PPM1E: variants seen among roughly 807,000 people sequenced by gnomAD.
PPM1E encodes the protein protein phosphatase, Mg2+/Mn2+ dependent 1E, also known as protein phosphatase 1E.
PPM1E carries 20 observed loss-of-function variants against 65.9 expected under a neutral mutation model. The ratio of observed to expected loss-of-function variants is 0.30; its 90% CI spans 0.21 to 0.44. PPM1E has a LOEUF of 0.44. Ranked by LOEUF, PPM1E falls within the 20% of genes least tolerant of loss-of-function variation. The pLI is 1.00. For missense variants in PPM1E, 713 were observed against 953.1 expected, an observed-to-expected ratio of 0.75 and a Z score of 3.32; for synonymous variants, 352 against 374.9, an observed-to-expected ratio of 0.94 and a Z score of 0.70.
rs974299652 is a variant in PPM1E at position 58,755,908 on chromosome 17, T to C, written c.-90T>C. The C allele has an allele frequency of 6.4e-7, 1 of 1,561,678 alleles. No individual in the cohort carries two copies. Among genetic ancestry groups the C allele is most frequent in the Non-Finnish European group, 8.7e-7 (1 of 1,154,990 alleles). The stretch of plus-strand genomic sequence containing the variant: ...GTGCCGGTGCGGCCGTTAACCGCCC[T>C]TGCCGGAGCCCTAGGCTCAAAAGCA... On this transcript the variant is annotated 5_prime_UTR_variant, in exon 1 of 7. Transcript: ENST00000308249.
intron 1 of PPM1E, among the ~76,000 whole-genome samples, chr17:58,822,163 A>G (rs961974771): frequency 6.6e-6 from 1 of 152,130 alleles, no homozygotes; most frequent in Non-Finnish European, 1.5e-5. Context: ...AAAGGAGTTG[A>G]GCAAGTAACA....
intron 1 of PPM1E, among the ~76,000 whole-genome samples, chr17:58,875,258 C>G (rs1251773005): frequency 6.6e-6 from 1 of 152,100 alleles, no homozygotes; most frequent in African/African-American, 2.4e-5. Flanking sequence ...TAATTAGTGG[C>G]AGGCATCTAG....
At chr17:58,840,600 G>C (rs1038937524) in intron 1 of PPM1E, among the ~76,000 whole-genome samples, 2 of 152,002 alleles carry the variant, frequency 1.3e-5, no homozygotes, top group Non-Finnish European at 2.9e-5. Flanking sequence ...CCAGCCTGGG[G>C]CATCTTGTAG....
chr17:58,789,216 A>T (rs964999908), intron 1 of PPM1E, among the ~76,000 whole-genome samples: 1 of 152,234 alleles, frequency 6.6e-6, no homozygotes, highest in African/African-American at 2.4e-5. Context: ...TTCTAAGAAC[A>T]TAAGAAACAT....
intron 1 of PPM1E, among the ~76,000 whole-genome samples, chr17:58,818,089 G>A (rs917174309): frequency 1.3e-5 from 2 of 152,010 alleles, no homozygotes; most frequent in Admixed American, 1.3e-4. Context: ...AGTTCATTAT[G>A]GGTACCTTAC....
intron 1 of PPM1E, among the ~76,000 whole-genome samples, chr17:58,920,928 A>C (rs1315182512): frequency 6.6e-6 from 1 of 152,214 alleles, no homozygotes; most frequent in Non-Finnish European, 1.5e-5. Context: ...ACAAGATCAA[A>C]AGAAGCATCT....
intron 1 of PPM1E, among the ~76,000 whole-genome samples, chr17:58,939,854 G>C (rs1174145167): frequency 2.6e-5 from 4 of 152,086 alleles, no homozygotes; most frequent in Non-Finnish European, 5.9e-5. Flanking sequence ...GATAAAAATG[G>C]AAAGCACTTC....
At chr17:58,789,148 G>A (rs1361465341) in intron 1 of PPM1E, among the ~76,000 whole-genome samples, 1 of 149,404 alleles carries the variant, frequency 6.7e-6, no homozygotes, top group Non-Finnish European at 1.5e-5. Context: ...CTAGAAGTTT[G>A]TTTATACTGA....
rs1013954150 is a variant in PPM1E, at chr17:58,982,737, TTTC to T, written c.*1714_*1716del. 1.3e-5 allele frequency: 7 copies of T among 544,906 alleles called. No homozygotes were observed. Among genetic ancestry groups the T allele is most frequent in the Non-Finnish European group, 2.3e-5 (7 of 309,804 alleles). The allele number at this position is 544,906 out of a possible 1,614,324, so 33.8% of individuals were successfully genotyped here. ...TTGTTTTCTCTTGATTTTGAAGTCA[TTTC>T]TTCTTCTCACGTCTGTGACAAATGG... On this transcript the variant is annotated 3_prime_UTR_variant, in exon 7 of 7. Coordinates refer to ENST00000308249, the MANE Select transcript of PPM1E (RefSeq NM_014906.5).
At chr17:58,944,998 T>C (rs1281815378) in intron 1 of PPM1E, among the ~76,000 whole-genome samples, 1 of 152,214 alleles carries the variant, frequency 6.6e-6, no homozygotes, top group Non-Finnish European at 1.5e-5. Context: ...TTATTACTAA[T>C]TGTCTTTTTT....
chr17:58,878,053 G>A (rs2051147765), intron 1 of PPM1E, among the ~76,000 whole-genome samples: 1 of 151,990 alleles, frequency 6.6e-6, no homozygotes, highest in Non-Finnish European at 1.5e-5. Context: ...AAGCGTGAAA[G>A]AGGAAATAAC....
intron 1 of PPM1E, among the ~76,000 whole-genome samples, chr17:58,884,792 A>C (rs1188372115): frequency 6.6e-6 from 1 of 152,196 alleles, no homozygotes; most frequent in East Asian, 1.9e-4. Flanking sequence ...AGAATTAATT[A>C]ATTAGTTAAT....
intron 2 of PPM1E, among the ~76,000 whole-genome samples, chr17:58,958,530 C>T (rs952419850): frequency 4.7e-5 from 7 of 150,218 alleles, no homozygotes; most frequent in Admixed American, 4.0e-4. Context: ...AAATTAAAAA[C>T]AAGAAGGGAA....
intron 1 of PPM1E, among the ~76,000 whole-genome samples, chr17:58,796,760 T>C (rs1052061195): frequency 6.6e-6 from 1 of 152,210 alleles, no homozygotes; most frequent in Non-Finnish European, 1.5e-5. Flanking sequence ...CTTTATCACA[T>C]CTTCTATATG....
chr17:58,970,191 C>T (rs1413074615), intron 4 of PPM1E, among the ~76,000 whole-genome samples: 1 of 152,148 alleles, frequency 6.6e-6, no homozygotes, highest in East Asian at 1.9e-4. Context: ...AGGGAAAATT[C>T]GCTTGGAGAG....
chr17:58,876,930 C>T (rs936169786), intron 1 of PPM1E, among the ~76,000 whole-genome samples: 5 of 151,778 alleles, frequency 3.3e-5, no homozygotes, highest in Admixed American at 2.0e-4. Flanking sequence ...ACTACAGGCA[C>T]CCGCCACCAC....
chr17:58,818,679 G>C (rs1332210875), intron 1 of PPM1E, among the ~76,000 whole-genome samples: 5 of 152,130 alleles, frequency 3.3e-5, no homozygotes, highest in Non-Finnish European at 1.5e-5. Flanking sequence ...CTAGATCTTG[G>C]TTTAAATTTA....
intron 1 of PPM1E, among the ~76,000 whole-genome samples, chr17:58,827,833 C>T (rs1459640646): frequency 8.1e-5 from 12 of 147,666 alleles, no homozygotes; most frequent in African/African-American, 2.8e-4. Context: ...ACCCGGGAGG[C>T]GGAGCTTGCA....
At chr17:58,920,821 T>C (rs1418392392) in intron 1 of PPM1E, among the ~76,000 whole-genome samples, 1 of 152,088 alleles carries the variant, frequency 6.6e-6, no homozygotes, top group African/African-American at 2.4e-5. Flanking sequence ...ATATGAGACA[T>C]GATAAAATCT....
Sources: allele counts gnomAD v4.1 joint callset (sites outside exome capture counted in the v4.1 genomes callset), GRCh38; gene constraint gnomAD v4.1.1; transcripts MANE v1.5; gene names NCBI Gene and HGNC (gene_info 2026-07-23, HGNC 2026-07-21).